TOP1: variants seen among roughly 807,000 people sequenced by gnomAD.
TOP1 encodes DNA topoisomerase 1.
A neutral mutation model predicts 111.1 loss-of-function variants in TOP1; 10 were observed. That is an observed-to-expected ratio of 0.09 (90% confidence interval 0.06 to 0.15). The LOEUF (loss-of-function observed/expected upper bound fraction) is 0.15. Among genes scored for constraint, TOP1 ranks in the 10% least tolerant of loss-of-function variants. The probability of loss-of-function intolerance (pLI) is 1.00; values close to 1 mark genes in which losing one functional copy is unlikely to be tolerated. For missense variants in TOP1, 474 were observed against 926.7 expected, an observed-to-expected ratio of 0.51 and a Z score of 6.34; for synonymous variants, 271 against 302.9, an observed-to-expected ratio of 0.89 and a Z score of 1.10.
At chr20:41,108,602 T>TA (rs1228175574) in intron 13 of TOP1, among the ~76,000 whole-genome samples, 4 of 152,228 alleles carry the variant, frequency 2.6e-5, no homozygotes, top group African/African-American at 7.2e-5. Flanking sequence ...CTTTTTATGT[T>TA]CATCCCAGTT....
chr20:41,059,942 A>G (rs2033525003), intron 2 of TOP1, among the ~76,000 whole-genome samples: 1 of 152,222 alleles, frequency 6.6e-6, no homozygotes, highest in Non-Finnish European at 1.5e-5. Flanking sequence ...ATTAAACATC[A>G]TTTAATCATC....
chr20:41,114,118 C>A lies in TOP1; in HGVS notation c.1601C>A (p.Ser534Tyr). 1 of 1,614,062 alleles carries A rather than the reference C, an allele frequency of 6.2e-7. No individual in the cohort carries two copies. The highest frequency in any genetic ancestry group is 8.5e-7 in the Non-Finnish European group (1 of 1,179,962). ...GAGTTTGACTTCCTCGGGAAGGACT[C>A]CATCAGATACTATAACAAGGTCCCT... ...VVEFDFLGKDSIRYYNKVPVE... is the reference protein window; with the variant it reads ...VVEFDFLGKDYIRYYNKVPVE... The change falls in exon 15 of 21, where the codon TCC becomes TAC. Residue 534 changes from serine to tyrosine, a missense_variant. Around this residue, in one of 14 missense-constraint regions of TOP1, gnomAD observed 18 missense variants for 88.6 expected, o/e 0.20. Transcript: ENST00000361337. This position sits in a 1 kb window ranked among gnomAD's most constrained non-coding sequence, Gnocchi z 4.5.
chr20:41,069,253 T>C lies in TOP1; in HGVS notation c.156-6918T>C, dbSNP rs145124080. On this transcript the variant is annotated intron_variant, in intron 3 of 20. Transcript: ENST00000361337. The surrounding 1 kb of genome is among the most constrained non-coding windows in gnomAD (Gnocchi z 4.1). ...TGAAATTAATAAAATTTAAAAGATA[T>C]GTTTGCTGCTTTCCTTGTGAGTGGT... 7.2e-4 allele frequency among the ~76,000 whole-genome samples: 110 copies of C among 152,358 alleles called. No homozygotes were observed. The highest frequency in any genetic ancestry group is 2.4e-3 in the African/African-American group (99 of 41,572).
At chr20:41,033,285 A>G (rs1345070605) in intron 2 of TOP1, among the ~76,000 whole-genome samples, 1 of 151,006 alleles carries the variant, frequency 6.6e-6, no homozygotes, top group Non-Finnish European at 1.5e-5. Flanking sequence ...TTCAGTAGAT[A>G]GAGTAAAATG....
intron 8 of TOP1, among the ~76,000 whole-genome samples, chr20:41,091,165 A>C (rs933672807): frequency 6.6e-6 from 1 of 152,222 alleles, no homozygotes; most frequent in Non-Finnish European, 1.5e-5. Context: ...ACTTTGTTTA[A>C]AATATTGGAC....
chr20:41,072,567 C>G (rs922682685), intron 3 of TOP1: 1 of 985,262 alleles, frequency 1.0e-6, no homozygotes, highest in African/African-American at 1.7e-5. Flanking sequence ...AGGACTTGTT[C>G]CCCAGCGCCT....
At position 41,115,224 on chromosome 20, in the gene TOP1, G is replaced by C. The variant is rs1046016315; in HGVS notation, c.1639-147G>C. The C allele has an allele frequency of 1.0e-5, 6 of 591,630 alleles. No individual in the cohort carries two copies. In the Admixed American group the frequency reaches 1.6e-4, roughly 16 times the overall value. 36.6% of individuals were successfully genotyped at this position (591,630 alleles called of 1,614,324 possible). Reference sequence around the variant, plus strand: ...ATGCACACTGTGCAAATGATGAATGGGGTAAAATGTTAACAGTGAATCTCG... The same window carrying C: ...ATGCACACTGTGCAAATGATGAATGCGGTAAAATGTTAACAGTGAATCTCG... On this transcript the variant is annotated intron_variant, in intron 15 of 20. Coordinates refer to ENST00000361337, the MANE Select transcript of TOP1 (RefSeq NM_003286.4). This position sits in a 1 kb window ranked among gnomAD's most constrained non-coding sequence, Gnocchi z 6.3.
intron 2 of TOP1, among the ~76,000 whole-genome samples, chr20:41,056,480 T>C (rs952548043): frequency 6.6e-6 from 1 of 152,202 alleles, no homozygotes; most frequent in Admixed American, 6.5e-5. Flanking sequence ...ACATAGCACA[T>C]GTAATAACTT....
At chr20:41,090,271 G>A (rs374903862) in intron 8 of TOP1, among the ~76,000 whole-genome samples, 6 of 152,096 alleles carry the variant, frequency 3.9e-5, no homozygotes, top group East Asian at 3.9e-4. Context: ...GAGCCACTGC[G>A]CCCAGCCCCT....
rs2033963565 is a variant in TOP1 at position 41,094,859 on chromosome 20, G to A, written c.730+2272G>A. On this transcript the variant is annotated intron_variant, in intron 9 of 20. Coordinates refer to ENST00000361337, the MANE Select transcript of TOP1 (RefSeq NM_003286.4). This position sits in a 1 kb window ranked among gnomAD's most constrained non-coding sequence, Gnocchi z 4.4. ...TTTGATTCAGCAGTTTCCTTTTCCT[G>A]GAGCTCAGCCTTTTCCACAAAGTGT... Among the ~76,000 whole-genome samples, 1 of 151,954 alleles carries A rather than the reference G, an allele frequency of 6.6e-6. No individual in the cohort carries two copies. The highest frequency in any genetic ancestry group is 2.1e-4 in the South Asian group (1 of 4,824).
intron 8 of TOP1, among the ~76,000 whole-genome samples, chr20:41,087,101 C>A (rs1310361342): frequency 3.3e-5 from 5 of 152,210 alleles, no homozygotes; most frequent in African/African-American, 1.2e-4. Flanking sequence ...CCTCGTAAGT[C>A]CGCAGACCTG....
rs576617089 is a variant in TOP1, at chr20:41,030,217, A to C, written c.58+762A>C. Among the ~76,000 whole-genome samples, 1 of 152,300 alleles carries C rather than the reference A, an allele frequency of 6.6e-6. No individual in the cohort carries two copies. The highest frequency in any genetic ancestry group is 2.1e-4 in the South Asian group (1 of 4,820). ...CAATGTAAATGTTGGATTTTTAAAA[A>C]ATTATGTTAGTCACTGGAACTTTTC... is the stretch of plus-strand genomic sequence containing the variant. On this transcript the variant is annotated intron_variant, in intron 2 of 20. Coordinates refer to ENST00000361337, the MANE Select transcript of TOP1 (RefSeq NM_003286.4). This position sits in a 1 kb window ranked among gnomAD's most constrained non-coding sequence, Gnocchi z 4.1.
Position 41,077,493 on chromosome 20 carries a change from C to T in TOP1, c.280-89C>T. ...AAGAGCCAGCTTGTGATCATGATGT[C>T]CCAGGAACTGATGCTACATATTCTC... On this transcript the variant is annotated intron_variant, in intron 4 of 20. Transcript: ENST00000361337. 16 of 1,044,018 alleles carry T rather than the reference C, an allele frequency of 1.5e-5. No individual in the cohort carries two copies. In the South Asian group the frequency reaches 2.1e-4, roughly 14 times the overall value. 64.7% of individuals were successfully genotyped at this position (1,044,018 alleles called of 1,614,324 possible). A position where few individuals can be genotyped will look rare whatever the true frequency, so the allele number is the denominator to read the frequency against.
In TOP1 at chr20:41,098,984, T is replaced by C. The variant is rs1177171609; in HGVS notation, c.975+647T>C. On this transcript the variant is annotated intron_variant, in intron 11 of 20. Transcript: ENST00000361337. This position sits in a 1 kb window ranked among gnomAD's most constrained non-coding sequence, Gnocchi z 5.7. ...CTGTGTGGCACTCAAGCCTAAAATA[T>C]TTTCTATCTAGAAAAAGTTGTCAGC... Among the ~76,000 whole-genome samples the C allele has an allele frequency of 1.3e-5, 2 of 152,174 alleles. No homozygotes were observed. The highest frequency in any genetic ancestry group is 2.9e-5 in the Non-Finnish European group (2 of 68,036).
chr20:41,059,327 A>C (rs1243039474), intron 2 of TOP1, among the ~76,000 whole-genome samples: 1 of 151,954 alleles, frequency 6.6e-6, no homozygotes, highest in Admixed American at 6.6e-5. Flanking sequence ...AAAAGTTAAA[A>C]AAAAATGGTG....
chr20:41,113,744 G>A (rs906193293), intron 14 of TOP1, among the ~76,000 whole-genome samples: 16 of 150,756 alleles, frequency 1.1e-4, no homozygotes, highest in Non-Finnish European at 1.9e-4. Context: ...AAAAATTGGC[G>A]TGGTGGCGGG....
chr20:41,074,244 G>C (rs1438302751), intron 3 of TOP1, among the ~76,000 whole-genome samples: 1 of 151,376 alleles, frequency 6.6e-6, no homozygotes, highest in African/African-American at 2.4e-5. Flanking sequence ...ATTGCATTTT[G>C]GTAAAAAACA....
At chr20:41,045,411 G>T (rs929406548) in intron 2 of TOP1, among the ~76,000 whole-genome samples, 6 of 152,118 alleles carry the variant, frequency 3.9e-5, no homozygotes, top group East Asian at 1.9e-4. Context: ...CTTACAACTG[G>T]TAAGTAAAGT....
chr20:41,120,533 C>G (rs1325766434), intron 18 of TOP1, among the ~76,000 whole-genome samples: 1 of 152,216 alleles, frequency 6.6e-6, no homozygotes, highest in Non-Finnish European at 1.5e-5. Flanking sequence ...ATGTTGTTAT[C>G]CACTGCTGTC....
Sources: gnomAD v4.1 joint callset for allele counts (sites outside exome capture counted in the v4.1 genomes callset) on GRCh38, gnomAD v4.1.1 for gene constraint, gnomAD v4.1.1 regional missense constraint, Gnocchi (gnomAD v3.1) non-coding constraint, MANE v1.5 for transcripts, NCBI Gene and HGNC (gene_info 2026-07-23, HGNC 2026-07-21) for gene names.